ANOS1: variants seen among roughly 807,000 people sequenced by gnomAD.
ANOS1 encodes the protein anosmin-1.
A neutral mutation model predicts 59.0 loss-of-function variants in ANOS1; 6 were observed. That is an observed-to-expected ratio of 0.10 (90% CI 0.06 to 0.20). ANOS1 has a LOEUF of 0.20. Among genes scored for constraint, ANOS1 ranks in the 10% least tolerant of loss-of-function variants. The pLI is 1.00. For synonymous variants in ANOS1, 217 were observed against 223.4 expected (o/e 0.97, Z 0.25); for missense variants, 433 against 542.3 (o/e 0.80, Z 2.00).
At chrX:8,711,384 G>T (rs1040267484) in intron 1 of ANOS1, among the ~76,000 whole-genome samples, 4 of 112,694 alleles carry the variant, frequency 3.5e-5, no homozygotes, top group African/African-American at 9.7e-5. Context: ...CAAACACAAA[G>T]AATATTTTAA....
Position 8,699,617 on chromosome X carries a change from T to C in ANOS1, c.255+81A>G, listed in dbSNP as rs927239464. The C allele has an allele frequency of 4.8e-5, 36 of 747,118 alleles. No homozygotes were observed. In the Admixed American group the frequency reaches 7.5e-4, roughly 15 times the overall value. 61.6% of individuals were successfully genotyped at this position (747,118 alleles called of 1,213,427 possible). The stretch of plus-strand genomic sequence containing the variant: ...GGGCATATATGATTTCTCTGTGCTG[T>C]CTTTGCAACTTACTGTGAATCTATA... On this transcript the variant is annotated intron_variant, in intron 2 of 13. Coordinates refer to ENST00000262648, the MANE Select transcript of ANOS1 (RefSeq NM_000216.4).
chrX:8,691,137 G>A (rs909652434), intron 2 of ANOS1, among the ~76,000 whole-genome samples: 3 of 106,768 alleles, frequency 2.8e-5, no homozygotes, highest in Admixed American at 2.0e-4. Context: ...GCAGTGGAGC[G>A]ATCTCAGCTC....
At chrX:8,570,152 A>T (rs1305935150) in intron 7 of ANOS1, among the ~76,000 whole-genome samples, 1 of 111,000 alleles carries the variant, frequency 9.0e-6, no homozygotes, top group East Asian at 2.8e-4. Flanking sequence ...AAAAAAAAAA[A>T]AAAAAACTTA....
chrX:8,591,574 T>C (rs761224184), intron 4 of ANOS1, among the ~76,000 whole-genome samples: 8 of 112,350 alleles, frequency 7.1e-5, no homozygotes, highest in African/African-American at 2.3e-4. Context: ...ATCAGGGCGA[T>C]GTCAGTTCAA....
chrX:8,561,748 G>A (rs949921301), intron 8 of ANOS1, among the ~76,000 whole-genome samples: 1 of 108,583 alleles, frequency 9.2e-6, no homozygotes, highest in African/African-American at 3.4e-5. Context: ...TGCCCAGCCA[G>A]GATCTAAGAG....
At position 8,712,520 on chromosome X, in the gene ANOS1, C is replaced by T. The variant is rs751053895; in HGVS notation, c.208-12775G>A. Among the ~76,000 whole-genome samples, 10 of 112,242 alleles carry T rather than the reference C, an allele frequency of 8.9e-5. No individual in the cohort carries two copies. In the East Asian group the frequency reaches 2.8e-3, roughly 31 times the overall value. The stretch of plus-strand genomic sequence containing the variant: ...GTTTCAGCCACACTTCAACCTGCAC[C>T]TCAGTTAATAATCTATGTGTTAATA... On this transcript the variant is annotated intron_variant, in intron 1 of 13. Coordinates refer to ENST00000262648, the MANE Select transcript of ANOS1 (RefSeq NM_000216.4).
intron 13 of ANOS1, among the ~76,000 whole-genome samples, chrX:8,534,018 G>C (rs1450100332): frequency 9.2e-6 from 1 of 108,252 alleles, no homozygotes; most frequent in Non-Finnish European, 1.9e-5. Flanking sequence ...ATGAAGGAGG[G>C]AGGGAGAGAG....
chrX:8,632,286 TA>T (rs1487311426), intron 2 of ANOS1, among the ~76,000 whole-genome samples: 1 of 112,193 alleles, frequency 8.9e-6, no homozygotes, highest in African/African-American at 3.2e-5. Flanking sequence ...TTCTGATACA[TA>T]AAACAGTGAA....
At chrX:8,611,572 G>A (rs1281043802) in intron 3 of ANOS1, among the ~76,000 whole-genome samples, 4 of 102,003 alleles carry the variant, frequency 3.9e-5, no homozygotes, top group Non-Finnish European at 6.0e-5. Flanking sequence ...AGATACTGAA[G>A]GAAAATCTTC....
intron 2 of ANOS1, among the ~76,000 whole-genome samples, chrX:8,681,263 C>A (rs1367643010): frequency 9.8e-5 from 11 of 111,856 alleles, no homozygotes; most frequent in Non-Finnish European, 1.5e-4. Context: ...CTGTTAATGT[C>A]TTTTGTGCAT....
intron 2 of ANOS1, among the ~76,000 whole-genome samples, chrX:8,686,455 C>T (rs1260140786): frequency 1.8e-5 from 2 of 111,807 alleles, no homozygotes; most frequent in Non-Finnish European, 3.8e-5. Flanking sequence ...TAAATACTGT[C>T]AAGGATAAAG....
intron 7 of ANOS1, among the ~76,000 whole-genome samples, chrX:8,570,161 TAAAAG>T (rs1317143516): frequency 9.1e-6 from 1 of 109,848 alleles, no homozygotes; most frequent in Non-Finnish European, 1.9e-5. Flanking sequence ...AAAAAAAACT[TAAAAG>T]TAAAGTACAT....
At chrX:8,638,349 A>C (rs1373167555) in intron 2 of ANOS1, among the ~76,000 whole-genome samples, 1 of 112,156 alleles carries the variant, frequency 8.9e-6, no homozygotes, top group Non-Finnish European at 1.9e-5. Flanking sequence ...ATCTTACAAG[A>C]GTCTCCCTTT....
chrX:8,653,802 T>C (rs1931886730), intron 2 of ANOS1, among the ~76,000 whole-genome samples: 1 of 111,753 alleles, frequency 8.9e-6, no homozygotes, highest in Non-Finnish European at 1.9e-5. Context: ...CACCCTATGG[T>C]CCAGAGTCCA....
At chrX:8,600,458 C>T (rs889655797) in intron 3 of ANOS1, among the ~76,000 whole-genome samples, 8 of 112,102 alleles carry the variant, frequency 7.1e-5, no homozygotes, top group African/African-American at 2.6e-4. Context: ...AGTAATTAAT[C>T]ATACATAAAA....
chrX:8,624,175 C>G (rs1315455463), intron 2 of ANOS1, among the ~76,000 whole-genome samples: 2 of 108,591 alleles, frequency 1.8e-5, no homozygotes, highest in Non-Finnish European at 3.8e-5. Flanking sequence ...GCCACCACAC[C>G]GGGCTAATTT....
intron 6 of ANOS1, among the ~76,000 whole-genome samples, chrX:8,572,354 G>A (rs187472385): frequency 1.3e-4 from 14 of 105,665 alleles, no homozygotes; most frequent in South Asian, 4.5e-4. Context: ...CTCATCCTTC[G>A]GCTCCCACTT....
intron 3 of ANOS1, among the ~76,000 whole-genome samples, chrX:8,600,715 T>A (rs1218264880): frequency 8.9e-6 from 1 of 112,779 alleles, no homozygotes; most frequent in Non-Finnish European, 1.9e-5. Context: ...TTTGAAGCTC[T>A]AAGTTTAGTT....
At chrX:8,545,061 C>CA (rs759787339) in intron 9 of ANOS1, among the ~76,000 whole-genome samples, 1,212 of 19,731 alleles carry the variant, frequency 0.061, 11 homozygotes, top group African/African-American at 0.081. Context: ...AGAGAAACTC[C>CA]AAAAAAAAAA....
Sources: gnomAD v4.1 joint callset for allele counts (sites outside exome capture counted in the v4.1 genomes callset) on GRCh38, gnomAD v4.1.1 for gene constraint, MANE v1.5 for transcripts, NCBI Gene and HGNC (gene_info 2026-07-23, HGNC 2026-07-21) for gene names.